Variants in CCDC40 observed in about 807,000 individuals in gnomAD.
CCDC40 encodes coiled-coil domain 40 molecular ruler complex subunit.
Under a neutral mutation model 124.5 loss-of-function variants are expected in CCDC40, and 104 were observed. That is an observed-to-expected ratio of 0.84 (90% CI 0.71 to 0.98). The LOEUF (loss-of-function observed/expected upper bound fraction) is 0.98. CCDC40 is among the 50% of genes least tolerant of loss of function. The pLI is 0.00. For missense variants in CCDC40, 1,463 were observed against 1,503.9 expected (o/e 0.97, Z 0.45); for synonymous variants, 580 against 602.9 (o/e 0.96, Z 0.56).
rs2038057291 is a variant in CCDC40, at chr17:80,066,738, A to T, written c.1562+1132A>T. On this transcript the variant is annotated intron_variant, in intron 10 of 19. Transcript: ENST00000397545. This position sits in a 1 kb window ranked among gnomAD's most constrained non-coding sequence, Gnocchi z 4.4. ...ACTCTAGCCTGGGAGACAGAGCAAGACTCTGTCTCAAAAAAAATAAAAATA... is the reference window on the plus strand; with the variant it reads ...ACTCTAGCCTGGGAGACAGAGCAAGTCTCTGTCTCAAAAAAAATAAAAATA... The T allele has an allele frequency of 6.6e-6, 1 of 152,558 alleles. No individual in the cohort carries two copies. The highest frequency in any genetic ancestry group is 2.1e-4 in the South Asian group (1 of 4,848). 9.5% of individuals were successfully genotyped at this position (152,558 alleles called of 1,614,324 possible).
Position 80,058,471 on chromosome 17 carries a change from T to C in CCDC40, c.1160-23T>C, listed in dbSNP as rs1458053531. On this transcript the variant is annotated intron_variant, in intron 7 of 19. Transcript: ENST00000397545. The surrounding 1 kb of genome is among the most constrained non-coding windows in gnomAD (Gnocchi z 4.2). Reference sequence around the variant, plus strand: ...GCCTCCCCACTCACTCTCTCTCTCTTTCTCCCCCGCCGCGCCCCGCAGTGG... The same window carrying C: ...GCCTCCCCACTCACTCTCTCTCTCTCTCTCCCCCGCCGCGCCCCGCAGTGG... 9.9e-6 allele frequency: 16 copies of C among 1,611,754 alleles called. No individual in the cohort carries two copies. The East Asian group carries it at 2.9e-4, about 29-fold the overall frequency.
At chr17:80,090,683 C>A in intron 17 of CCDC40, 1 of 1,430,000 alleles carries the variant, frequency 7.0e-7, no homozygotes, top group Non-Finnish European at 9.1e-7. Flanking sequence ...TCTCCATGGT[C>A]ACAATTAGAT....
chr17:80,039,205 A>G lies in CCDC40; in HGVS notation c.94-607A>G, dbSNP rs192571308. On this transcript the variant is annotated intron_variant, in intron 2 of 19. Coordinates refer to ENST00000397545, the MANE Select transcript of CCDC40 (RefSeq NM_017950.4). ...AACATGGTGAAACCCCATCCCTACTAAAAATGGAAAAATTAACTGGGCATG... is the reference window on the plus strand; with the variant it reads ...AACATGGTGAAACCCCATCCCTACTGAAAATGGAAAAATTAACTGGGCATG... 6.5e-3 allele frequency among the ~76,000 whole-genome samples: 981 copies of G among 152,040 alleles called. 8 individuals carry two copies. Among genetic ancestry groups the G allele is most frequent in the African/African-American group, 0.022 (925 of 41,490 alleles).
At chr17:80,088,785 C>T (rs375916488) in intron 16 of CCDC40, among the ~76,000 whole-genome samples, 4 of 152,082 alleles carry the variant, frequency 2.6e-5, no homozygotes, top group South Asian at 4.2e-4. Context: ...CCAGCCTGGG[C>T]GACAGAGCGA....
chr17:80,086,000 T>A lies in CCDC40; in HGVS notation c.2236-3T>A, dbSNP rs1344072464. 1.2e-6 allele frequency: 2 copies of A among 1,613,682 alleles called. No individual in the cohort carries two copies. Among genetic ancestry groups the A allele is most frequent in the African/African-American group, 1.3e-5 (1 of 74,916 alleles). On this transcript the variant is annotated splice_polypyrimidine_tract_variant and splice_region_variant and intron_variant, in intron 13 of 19. Transcript: ENST00000397545. ...TTTGCTTTTTGATGAATATCCGGTCTAGGGGGAAGAAGTGGGGCCCCTGGA... is the reference window on the plus strand; with the variant it reads ...TTTGCTTTTTGATGAATATCCGGTCAAGGGGGAAGAAGTGGGGCCCCTGGA...
chr17:80,053,588 TTTTG>T (rs531177141), intron 7 of CCDC40, among the ~76,000 whole-genome samples: 42 of 152,202 alleles, frequency 2.8e-4, no homozygotes, highest in Admixed American at 1.2e-3. Flanking sequence ...TTTTTGTGTT[TTTTG>T]TTTGTTTGTT....
At chr17:80,056,016 A>ATTTTTTTTTTTTTTTTTT (rs1193599741) in intron 7 of CCDC40, among the ~76,000 whole-genome samples, 4 of 10,250 alleles carry the variant, frequency 3.9e-4, no homozygotes, top group East Asian at 8.5e-3. Flanking sequence ...ATATATATAT[A>ATTTTTTTTTTTTTTTTTT]TTTTTTTTTT....
chr17:80,084,622 AC>A, intron 12 of CCDC40, 120 bp from the exon 13 acceptor site: 1 of 1,211,120 alleles, frequency 8.3e-7, no homozygotes, highest in South Asian at 1.3e-5. Flanking sequence ...TGCACTCGTG[AC>A]TGTGCGTTTG....
chr17:80,058,990 G>A lies in CCDC40; in HGVS notation c.1440+10G>A. On this transcript the variant is annotated intron_variant, in intron 9 of 19. Coordinates refer to ENST00000397545, the MANE Select transcript of CCDC40 (RefSeq NM_017950.4). The surrounding 1 kb of genome is among the most constrained non-coding windows in gnomAD (Gnocchi z 4.2). ...GAAAGCAGTGAGTGAGGTAAAAGCA[G>A]TCCCCGCAGCTCTCAGTGTTCGACC... 1 of 1,614,184 alleles carries A rather than the reference G, an allele frequency of 6.2e-7. No individual in the cohort carries two copies. The highest frequency in any genetic ancestry group is 8.5e-7 in the Non-Finnish European group (1 of 1,180,010).
At position 80,087,208 on chromosome 17, in the gene CCDC40, A is replaced by G; in HGVS notation, c.2450-399A>G. On this transcript the variant is annotated intron_variant, in intron 14 of 19. Transcript: ENST00000397545. The surrounding 1 kb of genome is among the most constrained non-coding windows in gnomAD (Gnocchi z 4.5). ...CCCCTGAGCTTGGCTGGGGCAGGGCAGGGGTCTAAGGGCCTCCCTCTCCTG... is the reference window on the plus strand; with the variant it reads ...CCCCTGAGCTTGGCTGGGGCAGGGCGGGGGTCTAAGGGCCTCCCTCTCCTG... 3.4e-6 allele frequency: 1 copy of G among 295,830 alleles called. No homozygotes were observed. The highest frequency in any genetic ancestry group is 6.6e-6 in the Non-Finnish European group (1 of 150,514). The allele number at this position is 295,830 out of a possible 1,614,324, so 18.3% of individuals were successfully genotyped here.
rs543449446 is a variant in CCDC40 at position 80,059,812 on chromosome 17, G to A, written c.1440+832G>A. Among the ~76,000 whole-genome samples the A allele has an allele frequency of 2.9e-4, 44 of 152,110 alleles. No homozygotes were observed. In the South Asian group the frequency reaches 8.3e-3, roughly 29 times the overall value. On this transcript the variant is annotated intron_variant, in intron 9 of 19. Transcript: ENST00000397545. Reference sequence around the variant, plus strand: ...TGACCTCAGGTGATCCACCCACCTCGGCCTCCCAAAGTCCTGGGATTACAG... The same window carrying A: ...TGACCTCAGGTGATCCACCCACCTCAGCCTCCCAAAGTCCTGGGATTACAG...
intron 2 of CCDC40, among the ~76,000 whole-genome samples, chr17:80,038,423 CG>C (rs894524509): frequency 2.0e-5 from 3 of 152,062 alleles, no homozygotes; most frequent in Non-Finnish European, 4.4e-5. Flanking sequence ...CCCAGCTACT[CG>C]GGAGGCTGAG....
At chr17:80,047,140 C>T in intron 3 of CCDC40, 139 bp from the exon 4 acceptor site, 1 of 938,222 alleles carries the variant, frequency 1.1e-6, no homozygotes, top group Non-Finnish European at 1.6e-6. Context: ...AGCCACGTGC[C>T]CGGCCAGGTT....
chr17:80,085,954 G>C lies in CCDC40; in HGVS notation c.2236-49G>C, dbSNP rs990459842. ...CAAAGTGCTGGAATTACAGGCGTGA[G>C]TCACTGCGCCCAGCCCTAATTTTGC... is the stretch of plus-strand genomic sequence containing the variant. On this transcript the variant is annotated intron_variant, in intron 13 of 19. Transcript: ENST00000397545. 7.1e-6 allele frequency: 11 copies of C among 1,547,828 alleles called. No homozygotes were observed. The African/African-American group carries it at 1.5e-4, about 21-fold the overall frequency.
intron 16 of CCDC40, 71 bp from the exon 17 acceptor site, chr17:80,089,693 T>C: frequency 1.9e-6 from 3 of 1,584,028 alleles, no homozygotes; most frequent in Non-Finnish European, 2.6e-6. Context: ...TGTAAAGCCT[T>C]AGAGTGTGAG....
intron 7 of CCDC40, among the ~76,000 whole-genome samples, chr17:80,051,610 C>CA (rs2037593379): frequency 8.4e-6 from 1 of 119,386 alleles, no homozygotes; most frequent in Non-Finnish European, 1.6e-5. Flanking sequence ...GCCTGGGCGA[C>CA]AGAGCGAGAC....
intron 7 of CCDC40, among the ~76,000 whole-genome samples, chr17:80,057,417 C>T (rs2037777429): frequency 6.6e-6 from 1 of 152,050 alleles, no homozygotes; most frequent in Non-Finnish European, 1.5e-5. Flanking sequence ...AAGCTGTATC[C>T]TTCGAGCACA....
At chr17:80,085,643 T>C (rs1181699646) in intron 13 of CCDC40, among the ~76,000 whole-genome samples, 2 of 150,700 alleles carry the variant, frequency 1.3e-5, no homozygotes, top group African/African-American at 4.9e-5. Context: ...CAAAGACCTT[T>C]GAGCCCAAGA....
intron 1 of CCDC40, among the ~76,000 whole-genome samples, chr17:80,037,448 A>G (rs944991730): frequency 6.6e-6 from 1 of 152,042 alleles, no homozygotes; most frequent in African/African-American, 2.4e-5. Flanking sequence ...GACTAAAGGT[A>G]TTATTAATAA....
Sources: allele counts gnomAD v4.1 joint callset (sites outside exome capture counted in the v4.1 genomes callset), GRCh38; gene constraint gnomAD v4.1.1; non-coding constraint Gnocchi (gnomAD v3.1); transcripts MANE v1.5; gene names NCBI Gene and HGNC (gene_info 2026-07-23, HGNC 2026-07-21).